Variants in CCDC73 observed in about 807,000 individuals in gnomAD.
CCDC73 encodes the protein coiled-coil domain containing 73, also known as coiled-coil domain-containing protein 73.
A neutral mutation model predicts 116.5 loss-of-function variants in CCDC73; 95 were observed. The ratio of observed to expected loss-of-function variants is 0.82; its 90% confidence interval spans 0.69 to 0.97. The LOEUF is 0.97. Among genes scored for constraint, CCDC73 ranks in the 50% least tolerant of loss-of-function variants. The pLI, the probability that CCDC73 is intolerant of heterozygous loss-of-function variation, is 0.00. For missense variants in CCDC73, 1,066 were observed against 1,206.8 expected, an observed-to-expected ratio of 0.88 and a Z score of 1.73; for synonymous variants, 398 against 401.3, an observed-to-expected ratio of 0.99 and a Z score of 0.10.
At chr11:32,724,579 C>T (rs1386839965) in intron 2 of CCDC73, among the ~76,000 whole-genome samples, 6 of 96,936 alleles carry the variant, frequency 6.2e-5, no homozygotes, top group Admixed American at 1.2e-4. Flanking sequence ...AACTTACTTC[C>T]GATTTTTTAG....
intron 14 of CCDC73, among the ~76,000 whole-genome samples, chr11:32,628,982 A>C (rs567995583): frequency 1.6e-3 from 242 of 152,324 alleles, no homozygotes; most frequent in Non-Finnish European, 2.8e-3. Context: ...AAAACGAACC[A>C]AATGGAAATT....
intron 3 of CCDC73, among the ~76,000 whole-genome samples, chr11:32,716,148 G>A (rs1849942234): frequency 6.6e-6 from 1 of 152,054 alleles, no homozygotes; most frequent in Admixed American, 6.6e-5. Context: ...TGATATTTGA[G>A]GGAATGCAAC....
chr11:32,735,839 C>T (rs1476593632), intron 2 of CCDC73, among the ~76,000 whole-genome samples: 1 of 152,058 alleles, frequency 6.6e-6, no homozygotes, highest in Non-Finnish European at 1.5e-5. Flanking sequence ...AGAACAGAGC[C>T]CTCAGAAATA....
At chr11:32,619,897 G>A (rs1458479151) in intron 14 of CCDC73, among the ~76,000 whole-genome samples, 1 of 147,948 alleles carries the variant, frequency 6.8e-6, no homozygotes, top group Non-Finnish European at 1.5e-5. Context: ...AAGGGAGGGA[G>A]GGGAAGGGGA....
At chr11:32,830,273 C>A in the CCDC73 span, 1 of 978,630 alleles carries the variant, frequency 1.0e-6, no homozygotes, top group Non-Finnish European at 1.3e-6. Context: ...GAGGGTTGCC[C>A]GCGGCGACAG....
chr11:32,732,633 A>C (rs1202876880), intron 2 of CCDC73, among the ~76,000 whole-genome samples: 1 of 152,218 alleles, frequency 6.6e-6, no homozygotes, highest in African/African-American at 2.4e-5. Context: ...TAAAAAAAAG[A>C]ATATTCAACC....
At chr11:32,784,216 G>C (rs1325688672) in intron 1 of CCDC73, among the ~76,000 whole-genome samples, 1 of 152,008 alleles carries the variant, frequency 6.6e-6, no homozygotes, top group Non-Finnish European at 1.5e-5. Context: ...TGTAATCCCA[G>C]CTACTCAAGA....
chr11:32,793,454 C>T (rs1423802631), intron 1 of CCDC73, among the ~76,000 whole-genome samples: 1 of 152,120 alleles, frequency 6.6e-6, no homozygotes, highest in Non-Finnish European at 1.5e-5. Context: ...ATTCGAGGAT[C>T]TCAATATAAG....
intron 14 of CCDC73, among the ~76,000 whole-genome samples, chr11:32,628,216 A>G: frequency 6.6e-6 from 1 of 152,202 alleles, no homozygotes; most frequent in East Asian, 1.9e-4. Context: ...AAGTGAGATG[A>G]ACCCTATGAT....
chr11:32,772,398 C>T (rs1477234199), intron 1 of CCDC73, among the ~76,000 whole-genome samples: 2 of 151,898 alleles, frequency 1.3e-5, no homozygotes, highest in African/African-American at 2.4e-5. Flanking sequence ...AAAATGACTA[C>T]CAAATGCAAT....
At chr11:32,763,817 A>G (rs763603878) in intron 1 of CCDC73, among the ~76,000 whole-genome samples, 9 of 152,242 alleles carry the variant, frequency 5.9e-5, no homozygotes, top group Non-Finnish European at 8.8e-5. Context: ...AACTTCTCCA[A>G]GCTAAAGGAG....
intron 6 of CCDC73, among the ~76,000 whole-genome samples, chr11:32,685,147 C>T (rs1279118791): frequency 6.6e-6 from 1 of 151,014 alleles, no homozygotes; most frequent in East Asian, 1.9e-4. Flanking sequence ...CATGAATGAG[C>T]TGATTTTATT....
At chr11:32,757,906 G>T (rs1850357246) in intron 2 of CCDC73, among the ~76,000 whole-genome samples, 1 of 152,100 alleles carries the variant, frequency 6.6e-6, no homozygotes, top group Non-Finnish European at 1.5e-5. Context: ...TGCCATATAA[G>T]GTAACATATT....
At chr11:32,662,701 A>G (rs1335910476) in intron 9 of CCDC73, among the ~76,000 whole-genome samples, 2 of 152,020 alleles carry the variant, frequency 1.3e-5, no homozygotes, top group African/African-American at 2.4e-5. Flanking sequence ...ATTAGATCCC[A>G]ATTGTCAATG....
intron 16 of CCDC73, among the ~76,000 whole-genome samples, chr11:32,611,713 C>G (rs1236651491): frequency 6.6e-6 from 1 of 152,102 alleles, no homozygotes; most frequent in Non-Finnish European, 1.5e-5. Flanking sequence ...AGAAGTCCAA[C>G]AAAGGGCTGT....
At chr11:32,752,238 T>G (rs1192896260) in intron 2 of CCDC73, among the ~76,000 whole-genome samples, 2 of 152,210 alleles carry the variant, frequency 1.3e-5, no homozygotes, top group African/African-American at 4.8e-5. Context: ...GTGGGAGTGC[T>G]CTACTCAAGG....
chr11:32,786,997 A>C (rs1023350806), intron 1 of CCDC73, among the ~76,000 whole-genome samples: 1 of 152,150 alleles, frequency 6.6e-6, no homozygotes, highest in Admixed American at 6.5e-5. Flanking sequence ...ATGAGCCTGT[A>C]AGATTTTGCC....
chr11:32,699,206 C>A, intron 6 of CCDC73, 45 bp downstream of exon 6: 1 of 1,526,596 alleles, frequency 6.6e-7, no homozygotes, highest in Non-Finnish European at 8.8e-7. Context: ...TGATATAATG[C>A]TAAAATACCA....
intron 14 of CCDC73, among the ~76,000 whole-genome samples, chr11:32,627,831 G>T (rs1855590666): frequency 6.6e-6 from 1 of 152,114 alleles, no homozygotes; most frequent in South Asian, 2.1e-4. Context: ...GGGGTGAGGG[G>T]AGCGGGGAGG....
Sources: gnomAD v4.1 joint callset for allele counts (sites outside exome capture counted in the v4.1 genomes callset) on GRCh38, gnomAD v4.1.1 for gene constraint, MANE v1.5 for transcripts, NCBI Gene and HGNC (gene_info 2026-07-23, HGNC 2026-07-21) for gene names.